PRPSAP2: variants seen among roughly 807,000 people sequenced by gnomAD.
PRPSAP2 encodes the protein phosphoribosyl pyrophosphate synthetase associated protein 2, also known as phosphoribosyl pyrophosphate synthase-associated protein 2.
A neutral mutation model predicts 40.6 loss-of-function variants in PRPSAP2; 24 were observed. The observed-to-expected ratio is 0.59, with a 90% CI of 0.43 to 0.83. PRPSAP2 has a LOEUF of 0.83. PRPSAP2 is among the 40% of genes least tolerant of loss of function. The pLI is 0.00. For missense variants in PRPSAP2, 292 were observed against 465.6 expected, an observed-to-expected ratio of 0.63 and a Z score of 3.43; for synonymous variants, 149 against 164.7, an observed-to-expected ratio of 0.90 and a Z score of 0.73.
chr17:18,879,032 G>A (rs2038518317), intron 6 of PRPSAP2, among the ~76,000 whole-genome samples: 1 of 151,806 alleles, frequency 6.6e-6, no homozygotes, highest in African/African-American at 2.4e-5. Context: ...ACCACACTCA[G>A]CTAATTTTTG....
Position 18,928,819 on chromosome 17 carries a change from C to A in PRPSAP2, c.813C>A (p.Ile271=). 2 of 1,613,836 alleles carry A rather than the reference C, an allele frequency of 1.2e-6. No homozygotes were observed. The highest frequency in any genetic ancestry group is 1.7e-5 in the Admixed American group (1 of 60,016). The change falls in exon 11 of 12, where the codon ATC becomes ATA. Residue 271 remains isoleucine (I), a synonymous_variant. Coordinates refer to ENST00000268835, the MANE Select transcript of PRPSAP2 (RefSeq NM_002767.4). Reference sequence around the variant, plus strand: ...CATCTGTGCTTTGGCAGGATGACATCATTGATGATGTTGACAGCTTTCTTG... The same window carrying A: ...CATCTGTGCTTTGGCAGGATGACATAATTGATGATGTTGACAGCTTTCTTG... ...GGRIAIIVDD[I]IDDVDSFLAA...
intron 9 of PRPSAP2, among the ~76,000 whole-genome samples, chr17:18,919,569 G>A (rs1382888684): frequency 1.3e-5 from 2 of 152,040 alleles, no homozygotes; most frequent in Non-Finnish European, 2.9e-5. Flanking sequence ...TTGAGAGTGA[G>A]GTGAAAGGAT....
chr17:18,889,798 T>C (rs992224500), intron 7 of PRPSAP2, 24 bp from the exon 8 acceptor site: 1 of 1,596,862 alleles, frequency 6.3e-7, no homozygotes, highest in Non-Finnish European at 8.5e-7. Context: ...CATGCAGTAA[T>C]ACCTGACTTC....
At chr17:18,897,453 G>GTGTTGTTGTCGT (rs1555555756) in intron 8 of PRPSAP2, among the ~76,000 whole-genome samples, 1 of 150,484 alleles carries the variant, frequency 6.6e-6, no homozygotes, top group Non-Finnish European at 1.5e-5. Flanking sequence ...CTCTATAGTG[G>GTGTTGTTGTCGT]TGTTGTTGTT....
rs201373536 is a variant in PRPSAP2 at position 18,889,897 on chromosome 17, C to T, written c.584+20C>T. The stretch of plus-strand genomic sequence containing the variant: ...GAAGAGGTAGGTGGGAATCTCACAA[C>T]CTCTTTCTGGATCTACTTCTAAGGA... On this transcript the variant is annotated intron_variant, in intron 8 of 11. Transcript: ENST00000268835. The T allele has an allele frequency of 2.5e-6, 4 of 1,604,806 alleles. No individual in the cohort carries two copies. Among genetic ancestry groups the T allele is most frequent in the East Asian group, 4.5e-5 (2 of 44,712 alleles).
chr17:18,889,699 G>T lies in PRPSAP2; in HGVS notation c.529-123G>T. The T allele has an allele frequency of 1.5e-6, 1 of 664,264 alleles. No individual in the cohort carries two copies. Among genetic ancestry groups the T allele is most frequent in the Non-Finnish European group, 2.4e-6 (1 of 409,594 alleles). 41.1% of individuals were successfully genotyped at this position (664,264 alleles called of 1,614,324 possible). ...AGGTTCCTTTCTTCATTTTCCAAAG[G>T]AGAATTTTACTTTGAACTTTTTCTT... On this transcript the variant is annotated intron_variant, in intron 7 of 11. Coordinates refer to ENST00000268835, the MANE Select transcript of PRPSAP2 (RefSeq NM_002767.4).
chr17:18,862,177 G>T (rs8069826), intron 1 of PRPSAP2, among the ~76,000 whole-genome samples: 81,575 of 152,020 alleles, frequency 0.54, 22,184 homozygotes, highest in Middle Eastern at 0.6. Context: ...CATGAGCCAC[G>T]GCGCCTGGCC....
chr17:18,895,157 T>A (rs575561458), intron 8 of PRPSAP2, among the ~76,000 whole-genome samples: 30 of 150,824 alleles, frequency 2.0e-4, no homozygotes, highest in Non-Finnish European at 4.0e-4. Context: ...CCATCACAGC[T>A]CACTACAGCC....
chr17:18,900,345 A>AT lies in PRPSAP2; in HGVS notation c.584+10475dup, dbSNP rs1414645847. Among the ~76,000 whole-genome samples, 17 of 151,870 alleles carry AT rather than the reference A, an allele frequency of 1.1e-4. No homozygotes were observed. The East Asian group carries it at 3.1e-3, about 28-fold the overall frequency. On this transcript the variant is annotated intron_variant, in intron 8 of 11. Coordinates refer to ENST00000268835, the MANE Select transcript of PRPSAP2 (RefSeq NM_002767.4). The stretch of plus-strand genomic sequence containing the variant: ...CCTTGGGTCTTTTTTTATACCTTCT[A>AT]TTTTTTTGTCAATACTTTCTTTGTT...
intron 4 of PRPSAP2, 122 bp from the exon 5 acceptor site, chr17:18,872,461 G>C: frequency 4.1e-6 from 3 of 729,326 alleles, no homozygotes; most frequent in Non-Finnish European, 7.1e-6. Context: ...AGCCTACTGA[G>C]TCTTATAACA....
intron 1 of PRPSAP2, among the ~76,000 whole-genome samples, chr17:18,859,929 A>G (rs977437904): frequency 2.0e-5 from 3 of 151,790 alleles, no homozygotes; most frequent in Non-Finnish European, 4.4e-5. Flanking sequence ...TATTTTTAGT[A>G]GAGACAGGGT....
At chr17:18,901,196 A>G (rs959986224) in intron 8 of PRPSAP2, among the ~76,000 whole-genome samples, 1 of 151,904 alleles carries the variant, frequency 6.6e-6, no homozygotes, top group African/African-American at 2.4e-5. Flanking sequence ...TAGTCCTTTG[A>G]CTAGGGAGAG....
intron 8 of PRPSAP2, among the ~76,000 whole-genome samples, chr17:18,909,240 CTTTTT>C (rs71155371): frequency 1.0e-5 from 1 of 95,990 alleles, no homozygotes; most frequent in Non-Finnish European, 2.2e-5. Context: ...ACAGTGTGGC[CTTTTT>C]TTTTTTTTTT....
chr17:18,903,345 G>A (rs2040397182), intron 8 of PRPSAP2, among the ~76,000 whole-genome samples: 1 of 151,604 alleles, frequency 6.6e-6, no homozygotes. Context: ...GTGTGTTTTA[G>A]TATGGAGATG....
chr17:18,892,896 A>G (rs2039664073), intron 8 of PRPSAP2, among the ~76,000 whole-genome samples: 1 of 150,698 alleles, frequency 6.6e-6, no homozygotes, highest in Admixed American at 6.6e-5. Flanking sequence ...CACCATGCCT[A>G]GCTGTTGAGT....
intron 10 of PRPSAP2, 78 bp from the exon 11 acceptor site, chr17:18,928,733 C>T (rs2042100949): frequency 6.3e-7 from 1 of 1,579,474 alleles, no homozygotes. Context: ...TGTAGGCAGA[C>T]CCTTTTTTTT....
chr17:18,897,100 C>T (rs2039953499), intron 8 of PRPSAP2, among the ~76,000 whole-genome samples: 1 of 152,030 alleles, frequency 6.6e-6, no homozygotes, highest in Admixed American at 6.6e-5. Flanking sequence ...AGACCACAGG[C>T]ATGCAGCACC....
intron 6 of PRPSAP2, 24 bp from the exon 7 acceptor site, chr17:18,882,544 C>CTT: frequency 7.3e-7 from 1 of 1,362,502 alleles, no homozygotes; most frequent in Non-Finnish European, 1.0e-6. Context: ...CTATTTATTG[C>CTT]TTGTGTCTGC....
At chr17:18,924,481 A>G (rs1428751574) in intron 10 of PRPSAP2, among the ~76,000 whole-genome samples, 1 of 152,188 alleles carries the variant, frequency 6.6e-6, no homozygotes, top group African/African-American at 2.4e-5. Flanking sequence ...AAAATTGCTC[A>G]CTACTGGCTG....
Sources: allele counts gnomAD v4.1 joint callset (sites outside exome capture counted in the v4.1 genomes callset), GRCh38; gene constraint gnomAD v4.1.1; transcripts MANE v1.5; gene names NCBI Gene and HGNC (gene_info 2026-07-23, HGNC 2026-07-21).